The following COG5 variants were observed in gnomAD, a reference collection of about 807,000 sequenced individuals.
COG5 encodes the protein component of oligomeric golgi complex 5.
Under a neutral mutation model 110.4 loss-of-function variants are expected in COG5, and 86 were observed. That is an observed-to-expected ratio of 0.78 (90% CI 0.65 to 0.93). COG5 has a LOEUF of 0.93. COG5 is among the 40% of genes least tolerant of loss of function. COG5 has a pLI of 0.00. For synonymous variants in COG5, 360 were observed against 334.6 expected, an observed-to-expected ratio of 1.08 and a Z score of -0.83; for missense variants, 1,077 against 987.0, an observed-to-expected ratio of 1.09 and a Z score of -1.22.
chr7:107,432,402 G>C (rs888382834), intron 6 of COG5, among the ~76,000 whole-genome samples: 5 of 152,114 alleles, frequency 3.3e-5, no homozygotes, highest in African/African-American at 1.2e-4. Context: ...GGCAATTCAA[G>C]AGTAATTGAT....
intron 5 of COG5, among the ~76,000 whole-genome samples, chr7:107,536,733 G>T (rs1801611342): frequency 6.6e-6 from 1 of 152,110 alleles, no homozygotes; most frequent in Admixed American, 6.6e-5. Context: ...AGCTACCATT[G>T]ACATTCTTCA....
chr7:107,255,548 ATTG>A (rs1476726377), intron 16 of COG5, among the ~76,000 whole-genome samples: 1 of 151,748 alleles, frequency 6.6e-6, no homozygotes, highest in Non-Finnish European at 1.5e-5. Flanking sequence ...CCTTCTTCTG[ATTG>A]TTCTTTCCTT....
At chr7:107,521,947 A>T (rs1302903518) in intron 6 of COG5, among the ~76,000 whole-genome samples, 1 of 152,240 alleles carries the variant, frequency 6.6e-6, no homozygotes, top group Non-Finnish European at 1.5e-5. Context: ...GCCATAAAAA[A>T]AAATGAAATC....
chr7:107,292,698 G>C (rs777672427), intron 12 of COG5, among the ~76,000 whole-genome samples: 8 of 152,116 alleles, frequency 5.3e-5, no homozygotes, highest in African/African-American at 1.9e-4. Context: ...CAAGTTTATA[G>C]GTAGTCTAAA....
At chr7:107,549,150 G>C (rs1477976606) in intron 3 of COG5, 1 of 152,088 alleles carries the variant, frequency 6.6e-6, no homozygotes, top group African/African-American at 2.4e-5. Flanking sequence ...TGCTGGTTTT[G>C]TGGTGTATTC....
At chr7:107,508,275 C>T (rs1007357459) in intron 6 of COG5, among the ~76,000 whole-genome samples, 1 of 152,224 alleles carries the variant, frequency 6.6e-6, no homozygotes, top group Non-Finnish European at 1.5e-5. Context: ...CAGAGTCTCG[C>T]TGATTGCTAG....
chr7:107,474,449 C>G lies in COG5; in HGVS notation c.538+52788G>C. On this transcript the variant is annotated intron_variant, in intron 6 of 21. Coordinates refer to ENST00000297135, the MANE Select transcript of COG5 (RefSeq NM_006348.5). The surrounding 1 kb of genome is among the most constrained non-coding windows in gnomAD (Gnocchi z 5.7). ...GTATCTTTTGCAAGTGTCTCAACAG[C>G]AATCAACGTTTTTGCTATCACTTTG... is the stretch of plus-strand genomic sequence containing the variant. The G allele has an allele frequency of 6.2e-7, 1 of 1,613,362 alleles. No individual in the cohort carries two copies. The highest frequency in any genetic ancestry group is 1.1e-5 in the South Asian group (1 of 91,066).
intron 3 of COG5, among the ~76,000 whole-genome samples, chr7:107,549,857 T>C (rs1338028277): frequency 6.6e-6 from 1 of 152,148 alleles, no homozygotes. Context: ...TTCAGGAATT[T>C]CATTCAGTCC....
At position 107,520,932 on chromosome 7, in the gene COG5, G is replaced by C. The variant is rs113351778; in HGVS notation, c.538+6305C>G. Reference sequence around the variant, plus strand: ...ACAGTAACCAAAACAGCATGGTCCTGGTACCAAAAGAGATATGTAACTAAT... The same window carrying C: ...ACAGTAACCAAAACAGCATGGTCCTCGTACCAAAAGAGATATGTAACTAAT... On this transcript the variant is annotated intron_variant, in intron 6 of 21. Coordinates refer to ENST00000297135, the MANE Select transcript of COG5 (RefSeq NM_006348.5). Among the ~76,000 whole-genome samples, 522 of 152,192 alleles carry C rather than the reference G, an allele frequency of 3.4e-3. 7 individuals are homozygous for C. The highest frequency in any genetic ancestry group is 0.012 in the African/African-American group (490 of 41,518).
intron 14 of COG5, among the ~76,000 whole-genome samples, chr7:107,269,770 A>T (rs1403642104): frequency 1.3e-5 from 2 of 152,040 alleles, no homozygotes; most frequent in Non-Finnish European, 1.5e-5. Flanking sequence ...TTTGCATTAG[A>T]TTTCCTCCTT....
At chr7:107,493,931 G>C (rs1035597938) in intron 6 of COG5, among the ~76,000 whole-genome samples, 17 of 151,978 alleles carry the variant, frequency 1.1e-4, no homozygotes, top group African/African-American at 4.1e-4. Flanking sequence ...TAAATAGCTA[G>C]AAAAATAATA....
At chr7:107,480,290 C>T (rs1388474212) in intron 6 of COG5, among the ~76,000 whole-genome samples, 1 of 152,032 alleles carries the variant, frequency 6.6e-6, no homozygotes. Flanking sequence ...TAATGTATTT[C>T]TTTTATCCTT....
intron 10 of COG5, among the ~76,000 whole-genome samples, chr7:107,355,422 CAA>C (rs972420586): frequency 7.2e-5 from 11 of 152,158 alleles, no homozygotes; most frequent in Non-Finnish European, 1.5e-4. Context: ...TGTATTTACC[CAA>C]AAGAGATGAA....
intron 7 of COG5, among the ~76,000 whole-genome samples, chr7:107,379,737 C>T (rs12535093): frequency 0.19 from 29,330 of 151,926 alleles, 3,011 homozygotes; most frequent in Non-Finnish European, 0.22. Context: ...CTAACTATCC[C>T]AAGTATATAT....
rs1231157071 is a variant in COG5, at chr7:107,386,461, C to T, written c.670-13701G>A. On this transcript the variant is annotated intron_variant, in intron 7 of 21. Transcript: ENST00000297135. ...CTGGTGCCCCGTGTGAGGAACGCTG[C>T]GGAGGAAGCACGACGGACCGCCGAA... Among the ~76,000 whole-genome samples the T allele has an allele frequency of 2.0e-5, 3 of 152,004 alleles. No homozygotes were observed. The East Asian group carries it at 5.8e-4, about 29-fold the overall frequency.
chr7:107,500,174 G>T (rs1270222818), intron 6 of COG5, among the ~76,000 whole-genome samples: 1 of 152,126 alleles, frequency 6.6e-6, no homozygotes, highest in Non-Finnish European at 1.5e-5. Context: ...AATTTAAGAT[G>T]TAAGAGTTGG....
chr7:107,410,859 CAAA>C lies in COG5; in HGVS notation c.669+1640_669+1642del, dbSNP rs1165087961. On this transcript the variant is annotated intron_variant, in intron 7 of 21. Transcript: ENST00000297135. ...AGGAAGAGACACTGGAGACTTAGAC[CAAA>C]TGATACTAATGACAATATTCAACGT... Among the ~76,000 whole-genome samples, 674 of 151,976 alleles carry C rather than the reference CAAA, an allele frequency of 4.4e-3. 2 individuals carry two copies. The highest frequency in any genetic ancestry group is 0.016 in the African/African-American group (645 of 41,474).
At position 107,423,726 on chromosome 7, in the gene COG5, T is replaced by C. The variant is rs1032616563; in HGVS notation, c.539-11094A>G. Among the ~76,000 whole-genome samples the C allele has an allele frequency of 2.0e-5, 3 of 150,846 alleles. No homozygotes were observed. The East Asian group carries it at 5.8e-4, about 29-fold the overall frequency. On this transcript the variant is annotated intron_variant, in intron 6 of 21. Coordinates refer to ENST00000297135, the MANE Select transcript of COG5 (RefSeq NM_006348.5). ...AGATGCAAAAATATCAAGAAAATATTAGCAAACAGAATCTTGCAACATATG... is the reference window on the plus strand; with the variant it reads ...AGATGCAAAAATATCAAGAAAATATCAGCAAACAGAATCTTGCAACATATG...
intron 6 of COG5, among the ~76,000 whole-genome samples, chr7:107,446,182 T>C (rs1438895048): frequency 6.6e-6 from 1 of 152,218 alleles, no homozygotes; most frequent in Non-Finnish European, 1.5e-5. Context: ...TATCTCAAGA[T>C]CCTTAATCTT....
Sources: gnomAD v4.1 joint callset for allele counts (sites outside exome capture counted in the v4.1 genomes callset) on GRCh38, gnomAD v4.1.1 for gene constraint, Gnocchi (gnomAD v3.1) non-coding constraint, MANE v1.5 for transcripts, NCBI Gene and HGNC (gene_info 2026-07-23, HGNC 2026-07-21) for gene names.